The following DSCC1 variants were observed in gnomAD, a reference collection of about 807,000 sequenced individuals.
The protein encoded by DSCC1 is DNA replication and sister chromatid cohesion 1, also known as sister chromatid cohesion protein DCC1.
In DSCC1, 32 loss-of-function variants were observed where a neutral mutation model predicts 48.2. That is an observed-to-expected ratio of 0.66 (90% CI 0.50 to 0.89). The LOEUF (loss-of-function observed/expected upper bound fraction) is 0.89, where lower values mean the gene tolerates loss of function less well. DSCC1 is among the 40% of genes least tolerant of loss of function. The probability of loss-of-function intolerance (pLI) is 0.00; values close to 1 mark genes in which losing one functional copy is unlikely to be tolerated. For missense variants in DSCC1, 421 were observed against 471.7 expected, an observed-to-expected ratio of 0.89 and a Z score of 1.00; for synonymous variants, 150 against 171.5, an observed-to-expected ratio of 0.87 and a Z score of 0.98.
chr8:119,852,978 C>T (rs1033088055), intron 2 of DSCC1, 69 bp downstream of exon 2: 1 of 1,377,948 alleles, frequency 7.3e-7, no homozygotes, highest in Admixed American at 2.6e-5. Context: ...AACTTTTTAA[C>T]TAAAGATCAA....
chr8:119,844,327 T>C (rs2131301202), intron 4 of DSCC1, among the ~76,000 whole-genome samples: 1 of 151,314 alleles, frequency 6.6e-6, no homozygotes, highest in South Asian at 2.1e-4. Flanking sequence ...TAATCCCAGC[T>C]GCTCAGGAGG....
chr8:119,853,695 A>AAAGGCC (rs77647593), intron 1 of DSCC1, among the ~76,000 whole-genome samples: 1 of 151,966 alleles, frequency 6.6e-6, no homozygotes, highest in Non-Finnish European at 1.5e-5. Flanking sequence ...GTTCCCGAAG[A>AAAGGCC]AAGGCCAAGG....
chr8:119,838,218 A>C (rs1826714325), intron 8 of DSCC1, 41 bp downstream of exon 8: 8 of 1,507,408 alleles, frequency 5.3e-6, no homozygotes, highest in Non-Finnish European at 6.2e-6. Flanking sequence ...TTGACTATAA[A>C]AAGAACGACC....
intron 6 of DSCC1, 109 bp downstream of exon 6, chr8:119,842,667 T>G: frequency 1.8e-5 from 17 of 952,300 alleles, no homozygotes; most frequent in Non-Finnish European, 2.6e-5. Context: ...ATTATAGGTG[T>G]GAGCCACTGC....
chr8:119,850,348 A>G (rs1318857974), intron 3 of DSCC1, 34 bp downstream of exon 3: 1 of 1,544,496 alleles, frequency 6.5e-7, no homozygotes, highest in African/African-American at 1.4e-5. Flanking sequence ...TATAGTTGTT[A>G]AATTCCAAAT....
At chr8:119,855,498 G>A in intron 1 of DSCC1, 116 bp downstream of exon 1, 3 of 1,367,296 alleles carry the variant, frequency 2.2e-6, no homozygotes, top group East Asian at 2.8e-5. Context: ...AGCTTGCTAT[G>A]AGCCCCCGGC....
chr8:119,855,804 C>G lies in DSCC1; in HGVS notation c.-9G>C, dbSNP rs749781678. The G allele has an allele frequency of 6.6e-6, 10 of 1,510,184 alleles. No individual in the cohort carries two copies. In the African/African-American group the frequency reaches 1.3e-4, roughly 19 times the overall value. 93.5% of individuals were successfully genotyped at this position (1,510,184 alleles called of 1,614,324 possible). A position where few individuals can be genotyped will look rare whatever the true frequency, so the allele number is the denominator to read the frequency against. On this transcript the variant is annotated 5_prime_UTR_variant, in exon 1 of 9. Coordinates refer to ENST00000313655, the MANE Select transcript of DSCC1 (RefSeq NM_024094.3). ...TCGCGGGTCCTCTTCATCGCAGCGCCGGGTCTAGGAGTCCCGCCGCGCCCG... is the reference window on the plus strand; with the variant it reads ...TCGCGGGTCCTCTTCATCGCAGCGCGGGGTCTAGGAGTCCCGCCGCGCCCG...
intron 8 of DSCC1, 32 bp downstream of exon 8, chr8:119,838,227 C>A: frequency 6.6e-7 from 1 of 1,511,632 alleles, no homozygotes; most frequent in Non-Finnish European, 8.8e-7. Context: ...AAAAGAACGA[C>A]CCTCAAAATC....
intron 7 of DSCC1, among the ~76,000 whole-genome samples, chr8:119,840,972 C>CATTT (rs1182909380): frequency 3.3e-5 from 5 of 151,328 alleles, no homozygotes; most frequent in South Asian, 2.1e-4. Flanking sequence ...ATCTGACTAG[C>CATTT]ATTTATTTAT....
Position 119,853,195 on chromosome 8 carries a change from T to G in DSCC1, c.203A>C (p.Lys68Thr), listed in dbSNP as rs1247507973. 6.2e-7 allele frequency: 1 copy of G among 1,610,710 alleles called. No individual in the cohort carries two copies. Among genetic ancestry groups the G allele is most frequent in the Admixed American group, 1.7e-5 (1 of 59,702 alleles). ...DGHSLVIRGD[K>T]DEQAVLCSKD... ...ACTGCACAGCACAGCTTGCTCGTCT[T>G]TATCACCACGAATCACAAGACTGTA... Residue 68 changes from lysine to threonine, a missense_variant, in exon 2 of 9, where the codon AAA becomes ACA. Around this residue, in one of 3 missense-constraint regions of DSCC1, gnomAD observed 174 missense variants for 184.5 expected, o/e 0.94. Coordinates refer to ENST00000313655, the MANE Select transcript of DSCC1 (RefSeq NM_024094.3).
At chr8:119,839,933 T>G (rs1266325486) in intron 7 of DSCC1, 1 of 152,228 alleles carries the variant, frequency 6.6e-6, no homozygotes, top group Non-Finnish European at 1.5e-5. Context: ...CTAAGCCCCT[T>G]TTCTTTGTTC....
chr8:119,851,469 G>A (rs74844364), intron 2 of DSCC1, among the ~76,000 whole-genome samples: 6,960 of 152,250 alleles, frequency 0.046, 262 homozygotes, highest in South Asian at 0.13. Context: ...TTCTGGCTAC[G>A]TCCAATACAC....
intron 3 of DSCC1, among the ~76,000 whole-genome samples, chr8:119,847,917 G>T (rs1482246279): frequency 4.0e-5 from 6 of 151,824 alleles, no homozygotes; most frequent in Non-Finnish European, 7.4e-5. Flanking sequence ...TGCCCGCCTT[G>T]GTCCCCCAAA....
At chr8:119,842,081 C>CA (rs1826780185) in intron 6 of DSCC1, 133 bp from the exon 7 acceptor site, 14 of 979,676 alleles carry the variant, frequency 1.4e-5, no homozygotes, top group East Asian at 3.1e-5. Context: ...CCCCATAGTT[C>CA]GTTTTTTTTT....
intron 1 of DSCC1, among the ~76,000 whole-genome samples, chr8:119,854,143 T>C (rs1486338736): frequency 1.3e-5 from 2 of 151,976 alleles, no homozygotes; most frequent in Non-Finnish European, 2.9e-5. Context: ...CCCCAAGTAG[T>C]CATGGCACCA....
intron 4 of DSCC1, among the ~76,000 whole-genome samples, chr8:119,844,611 T>C (rs995906295): frequency 3.3e-5 from 5 of 151,672 alleles, no homozygotes; most frequent in African/African-American, 9.7e-5. Flanking sequence ...AGATGGGGTC[T>C]TACTCTTGCC....
chr8:119,854,733 T>C (rs566257391), intron 1 of DSCC1, among the ~76,000 whole-genome samples: 1 of 152,284 alleles, frequency 6.6e-6, no homozygotes, highest in Non-Finnish European at 1.5e-5. Context: ...CTTTCTCAAC[T>C]CTCCACCAAC....
intron 2 of DSCC1, among the ~76,000 whole-genome samples, chr8:119,852,153 A>G (rs1473364458): frequency 6.6e-6 from 1 of 152,162 alleles, no homozygotes; most frequent in Non-Finnish European, 1.5e-5. Flanking sequence ...GTCATTCCCA[A>G]AGAAATAAGG....
chr8:119,838,851 C>T (rs1406073691), intron 7 of DSCC1: 4 of 152,676 alleles, frequency 2.6e-5, no homozygotes, highest in Admixed American at 6.6e-5. Context: ...CTCCTGACTC[C>T]GCCTCCTGAG....
Sources: gnomAD v4.1 joint callset for allele counts (sites outside exome capture counted in the v4.1 genomes callset) on GRCh38, gnomAD v4.1.1 for gene constraint, gnomAD v4.1.1 regional missense constraint, MANE v1.5 for transcripts, NCBI Gene and HGNC (gene_info 2026-07-23, HGNC 2026-07-21) for gene names.